The following GAK variants were observed in gnomAD, a reference collection of about 807,000 sequenced individuals.
GAK encodes the protein cyclin-G-associated kinase.
A neutral mutation model predicts 143.9 loss-of-function variants in GAK; 79 were observed. The ratio of observed to expected loss-of-function variants is 0.55; its 90% CI spans 0.46 to 0.66. The LOEUF is 0.66. Ranked by LOEUF, GAK falls within the 30% of genes least tolerant of loss-of-function variation. The pLI, the probability that GAK is intolerant of heterozygous loss-of-function variation, is 0.00. For synonymous variants in GAK, 881 were observed against 765.5 expected (o/e 1.15, Z -2.49); for missense variants, 1,693 against 1,779.7 (o/e 0.95, Z 0.88).
rs1560281002 is a variant in GAK, at chr4:856,417, CAG to C, written c.3283+3187_3283+3188del. On this transcript the variant is annotated intron_variant, in intron 24 of 27. Coordinates refer to ENST00000314167, the MANE Select transcript of GAK (RefSeq NM_005255.4). ...TGCTCACCACCACAGCTGCTCACCACAGCTGCTCACACCTGCTCACCACAGCT... is the reference window on the plus strand; with the variant it reads ...TGCTCACCACCACAGCTGCTCACCACCTGCTCACACCTGCTCACCACAGCT... Among the ~76,000 whole-genome samples the C allele has an allele frequency of 1.8e-4, 25 of 141,132 alleles. 1 individual carries two copies. Among genetic ancestry groups the C allele is most frequent in the Admixed American group, 9.8e-4 (14 of 14,300 alleles). 92.6% of individuals were successfully genotyped at this position (141,132 alleles called of 152,430 possible). A position where few individuals can be genotyped will look rare whatever the true frequency, so the allele number is the denominator to read the frequency against.
chr4:870,322 G>C (rs759356712), intron 19 of GAK, among the ~76,000 whole-genome samples: 1 of 152,232 alleles, frequency 6.6e-6, no homozygotes, highest in Admixed American at 6.5e-5. Flanking sequence ...CGACAGGAGC[G>C]AGGGTTCTGT....
intron 5 of GAK, among the ~76,000 whole-genome samples, chr4:903,058 C>T (rs1720238035): frequency 6.6e-6 from 1 of 151,988 alleles, no homozygotes; most frequent in Non-Finnish European, 1.5e-5. Flanking sequence ...CTCTGTGGGG[C>T]TGTGGGAAGC....
chr4:859,753 G>A (rs201347678), intron 23 of GAK, 31 bp from the exon 24 acceptor site: 29 of 1,488,066 alleles, frequency 1.9e-5, no homozygotes, highest in Non-Finnish European at 2.6e-5. Flanking sequence ...ATTAGAACAA[G>A]CACCATCTGA....
At chr4:896,612 C>T in intron 6 of GAK, 63 bp from the exon 7 acceptor site, 1 of 1,269,008 alleles carries the variant, frequency 7.9e-7, no homozygotes, top group Admixed American at 1.8e-5. Flanking sequence ...TTTTATGTTG[C>T]ACCACTTCCG....
chr4:914,370 C>CACA (rs1560428536), intron 1 of GAK, among the ~76,000 whole-genome samples: 2 of 117,510 alleles, frequency 1.7e-5, no homozygotes, highest in Non-Finnish European at 1.8e-5. Flanking sequence ...TGCACGGCCC[C>CACA]CACACACACA....
At chr4:874,422 A>G (rs1480014207) in intron 18 of GAK, among the ~76,000 whole-genome samples, 1 of 152,078 alleles carries the variant, frequency 6.6e-6, no homozygotes, top group Non-Finnish European at 1.5e-5. Context: ...CAACTCTCTC[A>G]TCCTTTGCTT....
intron 15 of GAK, among the ~76,000 whole-genome samples, chr4:880,009 C>T (rs375061890): frequency 6.6e-6 from 1 of 151,902 alleles, no homozygotes; most frequent in African/African-American, 2.4e-5. Flanking sequence ...CGCGCACCTG[C>T]CTGAGGGTCC....
chr4:885,532 A>G (rs1716146348), intron 11 of GAK, among the ~76,000 whole-genome samples: 1 of 152,152 alleles, frequency 6.6e-6, no homozygotes, highest in Non-Finnish European at 1.5e-5. Context: ...CGGGGGCCCC[A>G]TGGACCTGGC....
At chr4:930,667 G>A (rs943060644) in intron 1 of GAK, among the ~76,000 whole-genome samples, 2 of 151,828 alleles carry the variant, frequency 1.3e-5, no homozygotes, top group African/African-American at 4.8e-5. Context: ...TAACCACCTA[G>A]TATTTTCAGA....
intron 4 of GAK, 73 bp from the exon 5 acceptor site, chr4:904,852 G>T: frequency 2.0e-6 from 3 of 1,483,788 alleles, no homozygotes; most frequent in African/African-American, 1.4e-5. Context: ...GCTGTTTCAC[G>T]CGGACTTCCC....
In GAK at chr4:893,366, G is replaced by A; in HGVS notation, c.990+11C>T. The A allele has an allele frequency of 1.3e-6, 2 of 1,529,130 alleles. No homozygotes were observed. The highest frequency in any genetic ancestry group is 1.8e-6 in the Non-Finnish European group (2 of 1,133,662). 94.7% of individuals were successfully genotyped at this position (1,529,130 alleles called of 1,614,324 possible). ...TGCGGGGGATTTGGGGCTCACGTGT[G>A]CCTCCCTCACCTCTGTGATGGGAGA... On this transcript the variant is annotated intron_variant, in intron 9 of 27. Coordinates refer to ENST00000314167, the MANE Select transcript of GAK (RefSeq NM_005255.4).
chr4:892,209 C>CA (rs1225254232), intron 9 of GAK, among the ~76,000 whole-genome samples: 2 of 152,226 alleles, frequency 1.3e-5, no homozygotes, highest in African/African-American at 4.8e-5. Flanking sequence ...AGCTCCACTG[C>CA]AGTGGCCCCT....
At chr4:849,830 CAGGA>C in intron 27 of GAK, 56 bp from the exon 28 acceptor site, 1 of 1,172,354 alleles carries the variant, frequency 8.5e-7, no homozygotes. Flanking sequence ...GCGGGCGGGG[CAGGA>C]CCCCCCCCCC....
At chr4:892,999 G>C (rs968787690) in intron 9 of GAK, among the ~76,000 whole-genome samples, 2 of 152,186 alleles carry the variant, frequency 1.3e-5, no homozygotes, top group East Asian at 1.9e-4. Flanking sequence ...GAAGTGGGCA[G>C]AGACCCCCAG....
chr4:882,868 A>G (rs1232629265), intron 13 of GAK, 49 bp from the exon 14 acceptor site: 1 of 1,590,382 alleles, frequency 6.3e-7, no homozygotes, highest in Non-Finnish European at 8.5e-7. Context: ...GCCCCGCCCC[A>G]GCCTTGGTCA....
chr4:866,255 C>A, intron 22 of GAK, 109 bp downstream of exon 22: 1 of 1,166,790 alleles, frequency 8.6e-7, no homozygotes, highest in Non-Finnish European at 1.2e-6. Flanking sequence ...GGAGGCCACA[C>A]AGTCCAGCCC....
chr4:891,268 CTTT>C (rs773128359), intron 9 of GAK, among the ~76,000 whole-genome samples: 2 of 142,386 alleles, frequency 1.4e-5, no homozygotes, highest in Admixed American at 1.4e-4. Context: ...GGCTTTTTTT[CTTT>C]TTTTTTTTTT....
chr4:870,895 C>T lies in GAK; in HGVS notation c.2064G>A (p.Leu688=). ...ATTTTTCTTGAATGTCACACGCGTC[C>T]AGGTCATACCTGCGGTTACAAGTAG... is the stretch of plus-strand genomic sequence containing the variant. The part of the protein sequence containing the change: ...ATTVKFAKYD[L]DACDIQEKYP... The change falls in exon 19 of 28, where the codon CTG becomes CTA. Residue 688 remains leucine, a synonymous_variant. Coordinates refer to ENST00000314167, the MANE Select transcript of GAK (RefSeq NM_005255.4). 6.2e-7 allele frequency: 1 copy of T among 1,611,436 alleles called. No homozygotes were observed. Among genetic ancestry groups the T allele is most frequent in the East Asian group, 2.2e-5 (1 of 44,834 alleles).
chr4:919,584 C>T (rs945864320), intron 1 of GAK, among the ~76,000 whole-genome samples: 5 of 152,262 alleles, frequency 3.3e-5, no homozygotes, highest in African/African-American at 1.2e-4. Flanking sequence ...GAAGGGGCCC[C>T]TGACCCTGGG....
Sources: allele counts gnomAD v4.1 joint callset (sites outside exome capture counted in the v4.1 genomes callset), GRCh38; gene constraint gnomAD v4.1.1; transcripts MANE v1.5; gene names NCBI Gene and HGNC (gene_info 2026-07-23, HGNC 2026-07-21).